The following PALS2 variants were observed in gnomAD, a reference collection of about 807,000 sequenced individuals.
PALS2 encodes protein associated with LIN7 2, MAGUK p55 family member, also known as protein PALS2.
PALS2 carries 27 observed loss-of-function variants against 61.6 expected under a neutral mutation model. The observed-to-expected ratio is 0.44, with a 90% confidence interval of 0.32 to 0.60. The LOEUF (loss-of-function observed/expected upper bound fraction) is 0.60, where lower values mean the gene tolerates loss of function less well. Ranked by LOEUF, PALS2 falls within the 20% of genes least tolerant of loss-of-function variation. The probability of loss-of-function intolerance (pLI) is 0.05; values close to 1 mark genes in which losing one functional copy is unlikely to be tolerated. For missense variants in PALS2, 554 were observed against 639.4 expected (o/e 0.87, Z 1.44); for synonymous variants, 236 against 218.6 (o/e 1.08, Z -0.70).
intron 1 of PALS2, among the ~76,000 whole-genome samples, chr7:24,586,655 A>T (rs989866215): frequency 6.6e-6 from 1 of 152,232 alleles, no homozygotes; most frequent in Admixed American, 6.5e-5. Context: ...ACATACCCAG[A>T]TGATAGAAAA....
chr7:24,641,897 G>A (rs780218352), intron 3 of PALS2, 29 bp downstream of exon 3: 4 of 1,598,850 alleles, frequency 2.5e-6, no homozygotes, highest in Admixed American at 1.7e-5. Flanking sequence ...CAACTCTCAA[G>A]TTCCCTGTAT....
At chr7:24,665,251 G>A (rs113583155) in intron 6 of PALS2, among the ~76,000 whole-genome samples, 10 of 152,266 alleles carry the variant, frequency 6.6e-5, no homozygotes, top group African/African-American at 2.4e-4. Flanking sequence ...TCTTACTAAA[G>A]GGTGCTAGAT....
rs1488873284 is a variant in PALS2 at position 24,618,498 on chromosome 7, A to T, written c.-2-5168A>T. ...GTGACATGCTGCAGCAGCTTGGCTC[A>T]CAAGGGAGTAAGTGCAGATCTTGTG... On this transcript the variant is annotated intron_variant, in intron 1 of 11. Coordinates refer to ENST00000222644, the MANE Select transcript of PALS2 (RefSeq NM_001303037.2). This position sits in a 1 kb window ranked among gnomAD's most constrained non-coding sequence, Gnocchi z 5.1. Among the ~76,000 whole-genome samples the T allele has an allele frequency of 1.3e-5, 2 of 152,210 alleles. No homozygotes were observed. The highest frequency in any genetic ancestry group is 2.9e-5 in the Non-Finnish European group (2 of 68,032).
At chr7:24,683,782 A>G (rs1159559168) in intron 11 of PALS2, among the ~76,000 whole-genome samples, 3 of 152,190 alleles carry the variant, frequency 2.0e-5, no homozygotes, top group Non-Finnish European at 4.4e-5. Context: ...CTGTTTGTAT[A>G]TTTGAAGGAA....
rs1414534318 is a variant in PALS2 at position 24,600,697 on chromosome 7, T to G, written c.-2-22969T>G. ...CTATTTTTTATAGGTTTTTAAATTA[T>G]AGTTTTTACATCTTACGTTTTAGTT... On this transcript the variant is annotated intron_variant, in intron 1 of 11. Transcript: ENST00000222644. Among the ~76,000 whole-genome samples, 3 of 152,184 alleles carry G rather than the reference T, an allele frequency of 2.0e-5. No homozygotes were observed. In the East Asian group the frequency reaches 5.8e-4, roughly 29 times the overall value.
intron 3 of PALS2, among the ~76,000 whole-genome samples, chr7:24,645,847 A>G (rs943916358): frequency 7.2e-5 from 11 of 151,946 alleles, no homozygotes; most frequent in African/African-American, 2.2e-4. Flanking sequence ...CTGGTTAGCT[A>G]TGTTCCTAGG....
rs115055187 is a variant in PALS2 at position 24,686,849 on chromosome 7, A to T, written c.1447-589A>T. The stretch of plus-strand genomic sequence containing the variant: ...CCATTGCTTATGTACTCCCCACATC[A>T]TTCCAAAATGACTAAAATTACTTTA... On this transcript the variant is annotated intron_variant, in intron 11 of 11. Coordinates refer to ENST00000222644, the MANE Select transcript of PALS2 (RefSeq NM_001303037.2). Among the ~76,000 whole-genome samples the T allele has an allele frequency of 3.4e-3, 519 of 152,378 alleles. 1 individual carries two copies. Among genetic ancestry groups the T allele is most frequent in the African/African-American group, 0.012 (496 of 41,592 alleles).
In PALS2 at chr7:24,679,339, C is replaced by T. The variant is rs752099828; in HGVS notation, c.1317+6C>T. 3.7e-6 allele frequency: 6 copies of T among 1,612,742 alleles called. No individual in the cohort carries two copies. The highest frequency in any genetic ancestry group is 5.1e-6 in the Non-Finnish European group (6 of 1,179,394). On this transcript the variant is annotated splice_donor_region_variant and intron_variant, in intron 10 of 11. Coordinates refer to ENST00000222644, the MANE Select transcript of PALS2 (RefSeq NM_001303037.2). Reference sequence around the variant, plus strand: ...TTCTGGATGTCAACCCACAAGTAAGCTGCTTGGATTCCAAAGCTGTTTTAT... The same window carrying T: ...TTCTGGATGTCAACCCACAAGTAAGTTGCTTGGATTCCAAAGCTGTTTTAT...
intron 1 of PALS2, among the ~76,000 whole-genome samples, chr7:24,588,268 A>G (rs1276202470): frequency 6.6e-6 from 1 of 152,202 alleles, no homozygotes; most frequent in African/African-American, 2.4e-5. Flanking sequence ...TTACAATACC[A>G]TATAGATTCT....
At chr7:24,592,455 G>C (rs1783325060) in intron 1 of PALS2, among the ~76,000 whole-genome samples, 1 of 152,034 alleles carries the variant, frequency 6.6e-6, no homozygotes, top group Admixed American at 6.6e-5. Flanking sequence ...AGGCCCTTAT[G>C]CTGTATTAAG....
intron 9 of PALS2, among the ~76,000 whole-genome samples, chr7:24,675,004 G>A (rs1371797297): frequency 6.6e-6 from 1 of 152,136 alleles, no homozygotes; most frequent in Non-Finnish European, 1.5e-5. Flanking sequence ...GAAGTCTAAG[G>A]AATCAGTTGT....
chr7:24,655,630 A>ATTTTTTTTTTTTTTTTTTTTTTTTTTTT, intron 5 of PALS2, among the ~76,000 whole-genome samples: 1 of 96,910 alleles, frequency 1.0e-5, no homozygotes, highest in Non-Finnish European at 1.9e-5. Flanking sequence ...TAGTTAGTAG[A>ATTTTTTTTTTTTTTTTTTTTTTTTTTTT]TTTTTTTTTT....
chr7:24,641,664 G>A, intron 2 of PALS2, 52 bp from the exon 3 acceptor site: 1 of 1,420,320 alleles, frequency 7.0e-7, no homozygotes, highest in Non-Finnish European at 9.6e-7. Flanking sequence ...ACCATGGTCT[G>A]GTGCAAATAA....
intron 11 of PALS2, among the ~76,000 whole-genome samples, chr7:24,684,030 T>A (rs1464048054): frequency 1.3e-5 from 2 of 152,218 alleles, no homozygotes; most frequent in African/African-American, 2.4e-5. Context: ...GTATCATTAC[T>A]GTGAACAGTC....
intron 9 of PALS2, among the ~76,000 whole-genome samples, chr7:24,671,820 T>C (rs1583987705): frequency 6.6e-6 from 1 of 152,080 alleles, no homozygotes; most frequent in African/African-American, 2.4e-5. Flanking sequence ...GTGGATTGTC[T>C]TGCCACCCTT....
At chr7:24,607,505 G>GTA (rs908439836) in intron 1 of PALS2, among the ~76,000 whole-genome samples, 30 of 150,720 alleles carry the variant, frequency 2.0e-4, no homozygotes, top group African/African-American at 5.9e-4. Flanking sequence ...ATATATATGT[G>GTA]TATATATATG....
At position 24,665,662 on chromosome 7, in the gene PALS2, T is replaced by C; in HGVS notation, c.858T>C (p.Phe286=). The change falls in exon 7 of 12, where the codon TTT becomes TTC. Residue 286 remains phenylalanine, a synonymous_variant. Coordinates refer to ENST00000222644, the MANE Select transcript of PALS2 (RefSeq NM_001303037.2). ...TCCTGGAAGAGAAGAGAAAGGCATT[T>C]GTTAGAAGAGACTGGGACAATTCAG... is the stretch of plus-strand genomic sequence containing the variant. ...SQFLEEKRKA[F]VRRDWDNSGP... is the part of the protein sequence containing the mutation. 6.2e-7 allele frequency: 1 copy of C among 1,613,764 alleles called. No homozygotes were observed. The highest frequency in any genetic ancestry group is 8.5e-7 in the Non-Finnish European group (1 of 1,179,718).
intron 2 of PALS2, chr7:24,624,213 T>C: frequency 2.9e-6 from 3 of 1,023,590 alleles, no homozygotes; most frequent in Non-Finnish European, 3.9e-6. Flanking sequence ...ATTTGTTGCA[T>C]AAGCCTGGTA....
chr7:24,672,134 G>A (rs1787327491), intron 9 of PALS2, among the ~76,000 whole-genome samples: 1 of 150,490 alleles, frequency 6.6e-6, no homozygotes, highest in African/African-American at 2.4e-5. Flanking sequence ...TGCAGCAATT[G>A]GAAGCTTATC....
Sources: allele counts gnomAD v4.1 joint callset (sites outside exome capture counted in the v4.1 genomes callset), GRCh38; gene constraint gnomAD v4.1.1; non-coding constraint Gnocchi (gnomAD v3.1); transcripts MANE v1.5; gene names NCBI Gene and HGNC (gene_info 2026-07-23, HGNC 2026-07-21).